Variants in PDE4B observed in about 807,000 individuals in gnomAD.
PDE4B encodes the protein phosphodiesterase 4B.
PDE4B carries 20 observed loss-of-function variants against 82.2 expected under a neutral mutation model. The observed-to-expected ratio is 0.24, with a 90% CI of 0.17 to 0.35. The LOEUF (loss-of-function observed/expected upper bound fraction) is 0.35, where lower values mean the gene tolerates loss of function less well. Among genes scored for constraint, PDE4B ranks in the 10% least tolerant of loss-of-function variants. The probability of loss-of-function intolerance (pLI) is 1.00; values close to 1 mark genes in which losing one functional copy is unlikely to be tolerated. For missense variants in PDE4B, 655 were observed against 907.2 expected (o/e 0.72, Z 3.57); for synonymous variants, 320 against 318.9 (o/e 1.00, Z -0.04).
chr1:66,355,545 C>A lies in PDE4B; in HGVS notation c.766C>A (p.Arg256=). The change falls in exon 9 of 17, where the codon CGG becomes AGG. Residue 256 remains arginine, a synonymous_variant. Transcript: ENST00000341517. ...TAAACAGTTCAAAAGAATGCTGAAC[C>A]GGGAGCTGACACACCTCTCAGAGAT... is the stretch of plus-strand genomic sequence containing the variant. ...ASNKFKRMLN[R]ELTHLSEMSR... is the part of the protein sequence containing the mutation. 6.2e-7 allele frequency: 1 copy of A among 1,610,706 alleles called. No individual in the cohort carries two copies. The highest frequency in any genetic ancestry group is 8.5e-7 in the Non-Finnish European group (1 of 1,177,390).
intron 3 of PDE4B, among the ~76,000 whole-genome samples, chr1:65,997,291 G>T (rs1651602408): frequency 6.6e-6 from 1 of 151,916 alleles, no homozygotes; most frequent in African/African-American, 2.4e-5. Flanking sequence ...TAGGAGAAAA[G>T]AGGCTTGTAT....
chr1:66,241,884 A>T (rs188444388), intron 3 of PDE4B, among the ~76,000 whole-genome samples: 1 of 152,312 alleles, frequency 6.6e-6, no homozygotes, highest in Non-Finnish European at 1.5e-5. Flanking sequence ...CACCTGCCAG[A>T]GGTTTTAATC....
intron 3 of PDE4B, among the ~76,000 whole-genome samples, chr1:66,139,552 A>G (rs1023433267): frequency 6.6e-6 from 1 of 152,126 alleles, no homozygotes; most frequent in Non-Finnish European, 1.5e-5. Context: ...TCTTCCTATC[A>G]TAAGGTCTGT....
At chr1:65,987,024 G>A (rs1471297760) in intron 3 of PDE4B, among the ~76,000 whole-genome samples, 2 of 152,154 alleles carry the variant, frequency 1.3e-5, no homozygotes, top group Admixed American at 6.5e-5. Context: ...AGAAGAACTA[G>A]GGGGAGAGTT....
chr1:66,203,773 C>G (rs2101546379), intron 3 of PDE4B, among the ~76,000 whole-genome samples: 1 of 152,202 alleles, frequency 6.6e-6, no homozygotes, highest in Middle Eastern at 3.4e-3. Context: ...AAGTTTTTAA[C>G]TTCTTTGCCA....
At position 65,919,820 on chromosome 1, in the gene PDE4B, C is replaced by T. The variant is rs546278720; in HGVS notation, c.281+985C>T. 5.6e-4 allele frequency among the ~76,000 whole-genome samples: 86 copies of T among 152,252 alleles called. 1 individual carries two copies. Among genetic ancestry groups the T allele is most frequent in the African/African-American group, 1.8e-3 (73 of 41,546 alleles). Reference sequence around the variant, plus strand: ...TATGTGCTCTTTGAATAATGATATACGGCATCTTGACATCCTTTAGTCAAT... The same window carrying T: ...TATGTGCTCTTTGAATAATGATATATGGCATCTTGACATCCTTTAGTCAAT... On this transcript the variant is annotated intron_variant, in intron 3 of 16. Coordinates refer to ENST00000341517, the MANE Select transcript of PDE4B (RefSeq NM_002600.4).
chr1:66,194,726 G>T (rs973837941), intron 3 of PDE4B, among the ~76,000 whole-genome samples: 5 of 152,044 alleles, frequency 3.3e-5, no homozygotes, highest in Non-Finnish European at 7.4e-5. Flanking sequence ...AATAAAAAAG[G>T]TGAGTTCCTT....
intron 3 of PDE4B, among the ~76,000 whole-genome samples, chr1:66,225,878 T>C (rs1651411583): frequency 6.6e-6 from 1 of 152,382 alleles, no homozygotes; most frequent in African/African-American, 2.4e-5. Context: ...AACACATTCA[T>C]TGTATGTGTC....
chr1:66,249,962 A>G (rs2101682430), intron 4 of PDE4B, among the ~76,000 whole-genome samples: 1 of 152,318 alleles, frequency 6.6e-6, no homozygotes, highest in South Asian at 2.1e-4. Context: ...TCAGTACCAC[A>G]GAAAAAAACT....
intron 7 of PDE4B, among the ~76,000 whole-genome samples, chr1:66,296,330 T>C (rs181040937): frequency 6.6e-6 from 1 of 152,322 alleles, no homozygotes; most frequent in Non-Finnish European, 1.5e-5. Context: ...GGCTGACTTC[T>C]TGGTAAACTG....
At chr1:65,896,834 G>C (rs538696372) in intron 1 of PDE4B, among the ~76,000 whole-genome samples, 10 of 152,280 alleles carry the variant, frequency 6.6e-5, no homozygotes, top group Admixed American at 2.0e-4. Flanking sequence ...TGGATCCCTG[G>C]AGACTGTGAA....
At chr1:66,272,275 C>G (rs1164020518) in intron 7 of PDE4B, among the ~76,000 whole-genome samples, 1 of 152,212 alleles carries the variant, frequency 6.6e-6, no homozygotes, top group African/African-American at 2.4e-5. Context: ...CCTCACACAT[C>G]TGGACTCTTC....
chr1:65,965,941 A>G (rs1416886396), intron 3 of PDE4B, among the ~76,000 whole-genome samples: 2 of 152,196 alleles, frequency 1.3e-5, no homozygotes, highest in Non-Finnish European at 2.9e-5. Flanking sequence ...ATCCAGTATC[A>G]TACTGAATGG....
chr1:66,258,361 A>G (rs1654413254), intron 6 of PDE4B, among the ~76,000 whole-genome samples: 2 of 152,228 alleles, frequency 1.3e-5, no homozygotes, highest in Non-Finnish European at 2.9e-5. Context: ...AATTAATTAT[A>G]TGATCTTGGC....
At chr1:65,816,827 G>A (rs1421139670) in intron 1 of PDE4B, among the ~76,000 whole-genome samples, 2 of 151,944 alleles carry the variant, frequency 1.3e-5, no homozygotes, top group Non-Finnish European at 1.5e-5. Context: ...CAGCTTCTAT[G>A]TAATAAGTTT....
rs540270499 is a variant in PDE4B, at chr1:66,247,889, A to G, written c.476+235A>G. Among the ~76,000 whole-genome samples, 11 of 152,320 alleles carry G rather than the reference A, an allele frequency of 7.2e-5. No individual in the cohort carries two copies. In the South Asian group the frequency reaches 2.3e-3, roughly 32 times the overall value. On this transcript the variant is annotated intron_variant, in intron 4 of 16. Transcript: ENST00000341517. ...AACCTAGACACAGTGTTTACTTTAC[A>G]TCTTTTACTGATACCTTAAAAAAAT...
chr1:65,813,818 G>A (rs900515269), intron 1 of PDE4B, among the ~76,000 whole-genome samples: 7 of 151,466 alleles, frequency 4.6e-5, no homozygotes, highest in Admixed American at 2.0e-4. Flanking sequence ...TGAAGCTATG[G>A]GGTTAGAAAT....
chr1:66,299,082 A>T (rs1421018069), intron 7 of PDE4B, among the ~76,000 whole-genome samples: 1 of 152,172 alleles, frequency 6.6e-6, no homozygotes, highest in African/African-American at 2.4e-5. Context: ...TGTTGGGAAC[A>T]TTCAAAATCC....
intron 1 of PDE4B, among the ~76,000 whole-genome samples, chr1:65,905,761 T>A (rs1305671793): frequency 5.3e-5 from 8 of 152,086 alleles, no homozygotes. Context: ...TTCACTCATT[T>A]TTTCACCTAA....
Sources: gnomAD v4.1 joint callset for allele counts (sites outside exome capture counted in the v4.1 genomes callset) on GRCh38, gnomAD v4.1.1 for gene constraint, MANE v1.5 for transcripts, NCBI Gene and HGNC (gene_info 2026-07-23, HGNC 2026-07-21) for gene names.